MEGF11: variants seen among roughly 807,000 people sequenced by gnomAD.
The protein encoded by MEGF11 is multiple EGF like domains 11.
A neutral mutation model predicts 146.6 loss-of-function variants in MEGF11; 126 were observed. The observed-to-expected ratio is 0.86, with a 90% confidence interval of 0.74 to 1.00. The LOEUF (loss-of-function observed/expected upper bound fraction) is 1.00. Among genes scored for constraint, MEGF11 ranks in the 50% least tolerant of loss-of-function variants. MEGF11 has a pLI of 0.00. For missense variants in MEGF11, 1,509 were observed against 1,521.2 expected, an observed-to-expected ratio of 0.99 and a Z score of 0.13; for synonymous variants, 532 against 583.4, an observed-to-expected ratio of 0.91 and a Z score of 1.27.
intron 1 of MEGF11, among the ~76,000 whole-genome samples, chr15:66,197,618 T>A (rs892901213): frequency 6.6e-6 from 1 of 152,146 alleles, no homozygotes; most frequent in African/African-American, 2.4e-5. Flanking sequence ...GATACGGGGT[T>A]TCACCATGTT....
chr15:65,999,544 C>T (rs1295153279), intron 5 of MEGF11, among the ~76,000 whole-genome samples: 1 of 152,160 alleles, frequency 6.6e-6, no homozygotes, highest in African/African-American at 2.4e-5. Flanking sequence ...TGGAATCACA[C>T]AGACCTGGGT....
At chr15:65,948,892 T>C (rs1366952022) in intron 10 of MEGF11, among the ~76,000 whole-genome samples, 1 of 152,204 alleles carries the variant, frequency 6.6e-6, no homozygotes, top group African/African-American at 2.4e-5. Flanking sequence ...TTTGTACTCC[T>C]CTGTTCGCAC....
intron 5 of MEGF11, among the ~76,000 whole-genome samples, chr15:66,018,454 C>G (rs568651453): frequency 6.6e-4 from 100 of 152,330 alleles, no homozygotes; most frequent in Non-Finnish European, 1.2e-3. Context: ...GGACTCAGCC[C>G]CGCTGTGGTT....
intron 10 of MEGF11, among the ~76,000 whole-genome samples, chr15:65,944,437 T>TG (rs1211084781): frequency 6.6e-6 from 1 of 151,994 alleles, no homozygotes; most frequent in East Asian, 1.9e-4. Context: ...GGCGTGGCAG[T>TG]GGGGCCACAC....
intron 5 of MEGF11, among the ~76,000 whole-genome samples, chr15:65,989,584 C>G (rs577543570): frequency 2.6e-5 from 4 of 152,356 alleles, no homozygotes; most frequent in Admixed American, 2.6e-4. Context: ...AAAGTGACTT[C>G]CCAGTGAGTG....
At chr15:66,181,606 A>G (rs1396207072) in intron 1 of MEGF11, among the ~76,000 whole-genome samples, 1 of 152,188 alleles carries the variant, frequency 6.6e-6, no homozygotes, top group Non-Finnish European at 1.5e-5. Context: ...TTAATAGTGA[A>G]TATGTTTAGC....
intron 9 of MEGF11, among the ~76,000 whole-genome samples, chr15:65,960,912 C>T (rs990566222): frequency 6.6e-6 from 1 of 152,162 alleles, no homozygotes; most frequent in African/African-American, 2.4e-5. Context: ...TTACTCTTTA[C>T]TCTGAGAACC....
chr15:66,170,701 T>G (rs1039689765), intron 1 of MEGF11, among the ~76,000 whole-genome samples: 3 of 152,182 alleles, frequency 2.0e-5, no homozygotes, highest in Admixed American at 1.3e-4. Flanking sequence ...GGGGGGCCTT[T>G]GAAGTGGACA....
Position 66,114,767 on chromosome 15 carries a change from G to A in MEGF11, c.301+4319C>T, listed in dbSNP as rs1231242536. ...CTGTAGATAATGGAAGCGGAAAGAG[G>A]TATGAGTTGGGCAGGGGTGGGTGGG... On this transcript the variant is annotated intron_variant, in intron 4 of 25. Transcript: ENST00000395614. 5.7e-5 allele frequency among the ~76,000 whole-genome samples: 8 copies of A among 140,750 alleles called. No homozygotes were observed. The East Asian group carries it at 2.0e-3, about 36-fold the overall frequency. 92.3% of individuals were successfully genotyped at this position (140,750 alleles called of 152,430 possible).
chr15:66,067,133 A>G (rs951803219), intron 5 of MEGF11, among the ~76,000 whole-genome samples: 2 of 152,246 alleles, frequency 1.3e-5, no homozygotes, highest in Admixed American at 1.3e-4. Context: ...TGTCTGGTGC[A>G]TCACAAGTGC....
Position 66,116,239 on chromosome 15 carries a change from C to T in MEGF11, c.301+2847G>A, listed in dbSNP as rs1035009209. ...TTGACTGTCTCTGTCTAGCCTTTTT[C>T]ACATCCAGTCTCTGGGCTGTTATGG... On this transcript the variant is annotated intron_variant, in intron 4 of 25. Coordinates refer to ENST00000395614, the MANE Select transcript of MEGF11 (RefSeq NM_001385028.1). Among the ~76,000 whole-genome samples the T allele has an allele frequency of 1.9e-4, 29 of 152,280 alleles. No individual in the cohort carries two copies. The East Asian group carries it at 5.4e-3, about 28-fold the overall frequency.
At chr15:66,217,545 T>C (rs1368210190) in intron 1 of MEGF11, among the ~76,000 whole-genome samples, 1 of 152,324 alleles carries the variant, frequency 6.6e-6, no homozygotes, top group East Asian at 1.9e-4. Flanking sequence ...TTTGTAGAGG[T>C]GGCCAACATG....
chr15:66,082,275 C>T (rs2085888694), intron 5 of MEGF11, among the ~76,000 whole-genome samples: 1 of 151,290 alleles, frequency 6.6e-6, no homozygotes, highest in African/African-American at 2.4e-5. Flanking sequence ...ATGTCCTCCC[C>T]AGGCTGCTGG....
chr15:66,065,723 C>A, intron 5 of MEGF11, among the ~76,000 whole-genome samples: 1 of 152,212 alleles, frequency 6.6e-6, no homozygotes, highest in Non-Finnish European at 1.5e-5. Flanking sequence ...TGCTTAGAGG[C>A]TTGAAAATGA....
chr15:65,935,789 C>CTTG (rs2079762160), intron 10 of MEGF11, among the ~76,000 whole-genome samples: 1 of 152,178 alleles, frequency 6.6e-6, no homozygotes, highest in Non-Finnish European at 1.5e-5. Context: ...CAATGCATAC[C>CTTG]AGGTTCTAAC....
chr15:65,981,475 T>A (rs115396107), intron 6 of MEGF11, among the ~76,000 whole-genome samples: 137 of 152,264 alleles, frequency 9.0e-4, no homozygotes, highest in African/African-American at 3.2e-3. Flanking sequence ...CCAATGGCCC[T>A]GGCCTCTAGC....
At chr15:66,154,908 G>A (rs1180386171) in intron 1 of MEGF11, among the ~76,000 whole-genome samples, 2 of 152,174 alleles carry the variant, frequency 1.3e-5, no homozygotes, top group African/African-American at 2.4e-5. Context: ...TCACACATGC[G>A]CCTTCCTACC....
chr15:66,225,925 A>G (rs1489894640), intron 1 of MEGF11, among the ~76,000 whole-genome samples: 1 of 152,190 alleles, frequency 6.6e-6, no homozygotes, highest in African/African-American at 2.4e-5. Context: ...ACCCACACTC[A>G]CACTCACATG....
intron 5 of MEGF11, among the ~76,000 whole-genome samples, chr15:66,045,520 C>A (rs1262328290): frequency 6.6e-6 from 1 of 152,226 alleles, no homozygotes; most frequent in Non-Finnish European, 1.5e-5. Context: ...GATATCAATG[C>A]CCACCCAACA....
Sources: allele counts gnomAD v4.1 joint callset (sites outside exome capture counted in the v4.1 genomes callset), GRCh38; gene constraint gnomAD v4.1.1; transcripts MANE v1.5; gene names NCBI Gene and HGNC (gene_info 2026-07-23, HGNC 2026-07-21).